CDKAL1: variants seen among roughly 807,000 people sequenced by gnomAD.
The protein encoded by CDKAL1 is threonylcarbamoyladenosine tRNA methylthiotransferase.
In CDKAL1, 32 loss-of-function variants were observed where a neutral mutation model predicts 68.2. The observed-to-expected ratio is 0.47, with a 90% confidence interval of 0.35 to 0.63. The LOEUF is 0.63. CDKAL1 is among the 30% of genes least tolerant of loss of function. The probability of loss-of-function intolerance (pLI) is 0.00; values close to 1 mark genes in which losing one functional copy is unlikely to be tolerated. For synonymous variants in CDKAL1, 234 were observed against 244.3 expected, an observed-to-expected ratio of 0.96 and a Z score of 0.39; for missense variants, 606 against 696.7, an observed-to-expected ratio of 0.87 and a Z score of 1.47.
intron 4 of CDKAL1, among the ~76,000 whole-genome samples, chr6:20,589,300 A>C (rs1014722359): frequency 2.0e-5 from 3 of 152,154 alleles, no homozygotes; most frequent in African/African-American, 7.2e-5. Context: ...AGTGTTAGTA[A>C]AAACACTAGT....
At chr6:21,104,424 T>C (rs1390883042) in intron 12 of CDKAL1, among the ~76,000 whole-genome samples, 3 of 152,070 alleles carry the variant, frequency 2.0e-5, no homozygotes, top group South Asian at 2.1e-4. Context: ...TAGTCAGGGA[T>C]AGAGTTTCTA....
intron 5 of CDKAL1, among the ~76,000 whole-genome samples, chr6:20,702,197 A>G (rs1581410218): frequency 6.6e-6 from 1 of 152,236 alleles, no homozygotes; most frequent in East Asian, 1.9e-4. Context: ...TCAGTCTCCC[A>G]CTGCTCGAAC....
At chr6:20,676,599 G>A (rs1770113667) in intron 5 of CDKAL1, among the ~76,000 whole-genome samples, 1 of 151,796 alleles carries the variant, frequency 6.6e-6, no homozygotes. Context: ...CCCGGGAGGT[G>A]GAGCTTGCAG....
intron 9 of CDKAL1, among the ~76,000 whole-genome samples, chr6:20,955,018 T>C (rs564274970): frequency 6.6e-5 from 10 of 152,326 alleles, no homozygotes; most frequent in Admixed American, 3.3e-4. Flanking sequence ...GCCATACTGA[T>C]TAATGAGTTA....
At chr6:21,156,190 G>A (rs889512288) in intron 13 of CDKAL1, among the ~76,000 whole-genome samples, 13 of 152,036 alleles carry the variant, frequency 8.6e-5, no homozygotes, top group African/African-American at 1.4e-4. Flanking sequence ...GGAAGCTGAG[G>A]CAGGTGGATC....
At chr6:21,081,968 T>C (rs1772430271) in intron 12 of CDKAL1, among the ~76,000 whole-genome samples, 2 of 152,166 alleles carry the variant, frequency 1.3e-5, no homozygotes. Context: ...AAAGGACTTA[T>C]ACATGTAGTT....
At chr6:20,654,828 G>A (rs1473860904) in intron 5 of CDKAL1, among the ~76,000 whole-genome samples, 2 of 151,864 alleles carry the variant, frequency 1.3e-5, no homozygotes, top group African/African-American at 4.8e-5. Context: ...CTTTATTCTG[G>A]TTCTTGTTCT....
intron 4 of CDKAL1, among the ~76,000 whole-genome samples, chr6:20,597,107 CTTTATTTTTATTTTTTA>C (rs1284115166): frequency 5.9e-5 from 9 of 152,108 alleles, no homozygotes; most frequent in South Asian, 2.1e-4. Context: ...CCAGCCACCC[CTTTATTTTTATTTTTTA>C]TTTATTTTTA....
intron 4 of CDKAL1, among the ~76,000 whole-genome samples, chr6:20,606,778 A>G (rs752391019): frequency 1.2e-4 from 18 of 152,218 alleles, no homozygotes; most frequent in Non-Finnish European, 2.4e-4. Context: ...AATCTATTTC[A>G]ATTCAGGGTG....
intron 2 of CDKAL1, among the ~76,000 whole-genome samples, chr6:20,538,588 C>T (rs947466893): frequency 3.9e-5 from 6 of 152,292 alleles, no homozygotes; most frequent in South Asian, 2.1e-4. Flanking sequence ...TGGATCCATA[C>T]ACACTTGTAT....
intron 9 of CDKAL1, among the ~76,000 whole-genome samples, chr6:20,893,721 T>TG (rs1176727248): frequency 6.6e-6 from 1 of 152,170 alleles, no homozygotes; most frequent in East Asian, 1.9e-4. Context: ...AATTGCCTAT[T>TG]CTGCAAAATG....
At chr6:21,130,287 C>A (rs941196610) in intron 13 of CDKAL1, among the ~76,000 whole-genome samples, 3 of 142,116 alleles carry the variant, frequency 2.1e-5, no homozygotes, top group African/African-American at 7.9e-5. Context: ...TGCAATGGTG[C>A]GATCTCAGCT....
Position 20,962,641 on chromosome 6 carries a change from GC to G in CDKAL1, c.909+7057del, listed in dbSNP as rs1235599092. On this transcript the variant is annotated intron_variant, in intron 10 of 15. Coordinates refer to ENST00000274695, the MANE Select transcript of CDKAL1 (RefSeq NM_017774.3). ...ATACAGATTTTCCAAACTGAACTCA[GC>G]AGTTCAAGCTGTGTCTTTAAACATT... Among the ~76,000 whole-genome samples, 5 of 152,244 alleles carry G rather than the reference GC, an allele frequency of 3.3e-5. No homozygotes were observed. The East Asian group carries it at 9.6e-4, about 29-fold the overall frequency.
intron 11 of CDKAL1, among the ~76,000 whole-genome samples, chr6:21,041,424 A>C (rs1286615747): frequency 1.1e-4 from 16 of 152,210 alleles, no homozygotes; most frequent in Admixed American, 9.8e-4. Context: ...AAATATGCAC[A>C]CCATCAGCAG....
chr6:20,534,930 A>T (rs1022861616), intron 1 of CDKAL1, among the ~76,000 whole-genome samples: 1 of 152,224 alleles, frequency 6.6e-6, no homozygotes, highest in Admixed American at 6.5e-5. Flanking sequence ...TAAGAATTTA[A>T]GCAGAAGTTA....
At chr6:20,934,326 A>G (rs1763603582) in intron 9 of CDKAL1, among the ~76,000 whole-genome samples, 1 of 152,212 alleles carries the variant, frequency 6.6e-6, no homozygotes, top group South Asian at 2.1e-4. Context: ...AGACAGTGCT[A>G]CAGATGTCTT....
chr6:20,837,937 TTGTGTGTGTGTGTGTGTGTGTGTG>T (rs531904726), intron 8 of CDKAL1, among the ~76,000 whole-genome samples: 1 of 123,174 alleles, frequency 8.1e-6, no homozygotes. Context: ...TGGGAAGAAA[TTGTGTGTGTGTGTGTGTGTGTGTG>T]TGTGTGTGTG....
chr6:20,630,867 C>T (rs527655832), intron 4 of CDKAL1, among the ~76,000 whole-genome samples: 2 of 152,138 alleles, frequency 1.3e-5, no homozygotes, highest in African/African-American at 4.8e-5. Context: ...GTTATAAATA[C>T]TTAGGTCATG....
intron 13 of CDKAL1, among the ~76,000 whole-genome samples, chr6:21,167,442 T>C (rs1777196804): frequency 1.3e-5 from 2 of 152,188 alleles, no homozygotes; most frequent in South Asian, 4.1e-4. Context: ...AAGATGGCAA[T>C]TAGTTTATAA....
Sources: gnomAD v4.1 joint callset for allele counts (sites outside exome capture counted in the v4.1 genomes callset) on GRCh38, gnomAD v4.1.1 for gene constraint, MANE v1.5 for transcripts, NCBI Gene and HGNC (gene_info 2026-07-23, HGNC 2026-07-21) for gene names.